The following PPP3CA variants were observed in gnomAD, a reference collection of about 807,000 sequenced individuals.
PPP3CA encodes CAM-PRP catalytic subunit.
A neutral mutation model predicts 66.5 loss-of-function variants in PPP3CA; 14 were observed. The ratio of observed to expected loss-of-function variants is 0.21; its 90% CI spans 0.14 to 0.33. The LOEUF (loss-of-function observed/expected upper bound fraction) is 0.33, where lower values mean the gene tolerates loss of function less well. Among genes scored for constraint, PPP3CA ranks in the 10% least tolerant of loss-of-function variants. The pLI, the probability that PPP3CA is intolerant of heterozygous loss-of-function variation, is 1.00. For missense variants in PPP3CA, 317 were observed against 639.5 expected (o/e 0.50, Z 5.44); for synonymous variants, 232 against 226.2 (o/e 1.03, Z -0.23).
intron 1 of PPP3CA, among the ~76,000 whole-genome samples, chr4:101,198,250 T>G (rs557198073): frequency 6.6e-6 from 1 of 152,308 alleles, no homozygotes; most frequent in East Asian, 1.9e-4. Context: ...TAGAGTATGC[T>G]TGTTAGGAAA....
At chr4:101,189,436 C>T (rs1038223364) in intron 2 of PPP3CA, among the ~76,000 whole-genome samples, 1 of 151,902 alleles carries the variant, frequency 6.6e-6, no homozygotes. Context: ...ATGGTTACTT[C>T]CAGATTTAAT....
chr4:101,248,570 T>G (rs1416060275), intron 1 of PPP3CA, among the ~76,000 whole-genome samples: 2 of 152,020 alleles, frequency 1.3e-5, no homozygotes, highest in Admixed American at 1.3e-4. Context: ...GGGGAAGGGG[T>G]TTCATCTTTA....
intron 1 of PPP3CA, among the ~76,000 whole-genome samples, chr4:101,313,431 G>A (rs1043528328): frequency 2.8e-4 from 43 of 152,182 alleles, no homozygotes; most frequent in Non-Finnish European, 2.9e-5. Context: ...TATTTTAGCA[G>A]TGTCCTTTTC....
At chr4:101,166,698 A>C (rs1323520107) in intron 2 of PPP3CA, among the ~76,000 whole-genome samples, 4 of 152,188 alleles carry the variant, frequency 2.6e-5, no homozygotes, top group Non-Finnish European at 5.9e-5. Context: ...CAATATTTGA[A>C]AAGTATTTAG....
intron 1 of PPP3CA, among the ~76,000 whole-genome samples, chr4:101,315,864 C>T (rs1441483451): frequency 6.6e-6 from 1 of 152,128 alleles, no homozygotes; most frequent in Admixed American, 6.6e-5. Flanking sequence ...CCCTTTTCTG[C>T]TCATCACTAG....
chr4:101,310,593 A>G (rs979542089), intron 1 of PPP3CA, among the ~76,000 whole-genome samples: 21 of 152,282 alleles, frequency 1.4e-4, no homozygotes, highest in African/African-American at 5.1e-4. Flanking sequence ...GGATCACTTC[A>G]GCCCAGGAGT....
At chr4:101,171,346 CTTT>C (rs1172819758) in intron 2 of PPP3CA, 1 of 151,792 alleles carries the variant, frequency 6.6e-6, no homozygotes, top group Admixed American at 7.9e-5. Context: ...ATGAACAATT[CTTT>C]CAAAAAAAAA....
At chr4:101,320,493 T>C (rs969363627) in intron 1 of PPP3CA, among the ~76,000 whole-genome samples, 4 of 143,226 alleles carry the variant, frequency 2.8e-5, no homozygotes, top group South Asian at 2.3e-4. Context: ...TGTGTGTGTA[T>C]ACACACACAC....
chr4:101,067,810 TATAATAATAATA>T (rs143876116), intron 8 of PPP3CA, among the ~76,000 whole-genome samples: 4 of 147,054 alleles, frequency 2.7e-5, no homozygotes, highest in African/African-American at 9.9e-5. Flanking sequence ...AAACTTAAAG[TATAATAATAATA>T]ATAATAATAA....
chr4:101,156,949 A>T (rs1316186015), intron 2 of PPP3CA, among the ~76,000 whole-genome samples: 1 of 152,200 alleles, frequency 6.6e-6, no homozygotes, highest in Non-Finnish European at 1.5e-5. Flanking sequence ...AGAGAAAGAG[A>T]CAAACTACAG....
At chr4:101,161,144 G>T (rs185645306) in intron 2 of PPP3CA, among the ~76,000 whole-genome samples, 2 of 151,980 alleles carry the variant, frequency 1.3e-5, no homozygotes, top group African/African-American at 2.4e-5. Context: ...CGTGGTACAG[G>T]TTTGTAGCCG....
At chr4:101,330,775 G>A (rs574411040) in intron 1 of PPP3CA, among the ~76,000 whole-genome samples, 75 of 152,172 alleles carry the variant, frequency 4.9e-4, no homozygotes, top group Admixed American at 1.4e-3. Flanking sequence ...ACAATAACTA[G>A]CACTACACTT....
chr4:101,333,760 T>G (rs192245912), intron 1 of PPP3CA, among the ~76,000 whole-genome samples: 1 of 152,304 alleles, frequency 6.6e-6, no homozygotes, highest in Non-Finnish European at 1.5e-5. Flanking sequence ...TTGATTACAT[T>G]TACTTTTGCA....
At chr4:101,063,503 C>T (rs550145739) in intron 8 of PPP3CA, 146 bp from the exon 9 acceptor site, 10 of 847,494 alleles carry the variant, frequency 1.2e-5, no homozygotes, top group African/African-American at 1.0e-4. Context: ...AATGCTTATA[C>T]AACTTATGGA....
chr4:101,192,133 C>A (rs1376574094), intron 2 of PPP3CA, among the ~76,000 whole-genome samples: 2 of 152,172 alleles, frequency 1.3e-5, no homozygotes, highest in Non-Finnish European at 2.9e-5. Flanking sequence ...TGGATCCCTG[C>A]ACAAATCATC....
rs570387698 is a variant in PPP3CA at position 101,162,035 on chromosome 4, T to C, written c.259+33881A>G. 3.1e-4 allele frequency among the ~76,000 whole-genome samples: 47 copies of C among 151,156 alleles called. 1 individual carries two copies. Among genetic ancestry groups the C allele is most frequent in the Non-Finnish European group, 6.3e-4 (43 of 67,774 alleles). ...CTGGCGGATCACCTGAGGTCAGGAG[T>C]TCGAAACCGGCCTGGCCAACATGGC... is the stretch of plus-strand genomic sequence containing the variant. On this transcript the variant is annotated intron_variant, in intron 2 of 13. Coordinates refer to ENST00000394854, the MANE Select transcript of PPP3CA (RefSeq NM_000944.5).
At chr4:101,124,735 GAAAGAAAGAAAGAA>G (rs1560614527) in intron 2 of PPP3CA, among the ~76,000 whole-genome samples, 56 of 68,516 alleles carry the variant, frequency 8.2e-4, no homozygotes, top group South Asian at 2.9e-3. Context: ...GAGAAAGAAA[GAAAGAAAGAAAGAA>G]AGAAAGAAAG....
intron 1 of PPP3CA, among the ~76,000 whole-genome samples, chr4:101,219,967 GAAGTT>G (rs1725572270): frequency 1.3e-5 from 2 of 151,840 alleles, no homozygotes; most frequent in African/African-American, 2.4e-5. Context: ...CATTTTCCAT[GAAGTT>G]AAGTACTTAA....
chr4:101,235,299 T>A (rs1311683157), intron 1 of PPP3CA, among the ~76,000 whole-genome samples: 1 of 151,792 alleles, frequency 6.6e-6, no homozygotes, highest in Non-Finnish European at 1.5e-5. Context: ...GCATCTCATT[T>A]GGGATTCAAA....
Sources: allele counts gnomAD v4.1 joint callset (sites outside exome capture counted in the v4.1 genomes callset), GRCh38; gene constraint gnomAD v4.1.1; transcripts MANE v1.5; gene names NCBI Gene and HGNC (gene_info 2026-07-23, HGNC 2026-07-21).